Variants in USH1C observed in about 807,000 individuals in gnomAD.
USH1C encodes harmonin.
In USH1C, 90 loss-of-function variants were observed where a neutral mutation model predicts 119.3. The observed-to-expected ratio is 0.75, with a 90% CI of 0.64 to 0.90. USH1C has a LOEUF of 0.90. Ranked by LOEUF, USH1C falls within the 40% of genes least tolerant of loss-of-function variation. The probability of loss-of-function intolerance (pLI) is 0.00; values close to 1 mark genes in which losing one functional copy is unlikely to be tolerated. For synonymous variants in USH1C, 465 were observed against 443.3 expected (o/e 1.05, Z -0.62); for missense variants, 1,165 against 1,167.7 (o/e 1.00, Z 0.03).
intron 18 of USH1C, among the ~76,000 whole-genome samples, chr11:17,506,976 C>T (rs1418539717): frequency 6.6e-6 from 1 of 152,224 alleles, no homozygotes; most frequent in African/African-American, 2.4e-5. Context: ...AAATGAATGA[C>T]TAAATAGTAT....
intron 1 of USH1C, among the ~76,000 whole-genome samples, chr11:17,535,060 C>G (rs1851181092): frequency 6.6e-6 from 1 of 152,152 alleles, no homozygotes; most frequent in Non-Finnish European, 1.5e-5. Flanking sequence ...GGGTGCCTCC[C>G]TGAGACAGGC....
In USH1C at chr11:17,515,615, C is replaced by A. The variant is rs534384802; in HGVS notation, c.1260+626G>T. ...ATAGATATTAACAGCAATGTTTTCA[C>A]AATCAAATGTCAATGTGATTTAGAA... On this transcript the variant is annotated intron_variant, in intron 15 of 26. Coordinates refer to ENST00000005226, the MANE Select transcript of USH1C (RefSeq NM_153676.4). Among the ~76,000 whole-genome samples the A allele has an allele frequency of 6.6e-5, 10 of 152,266 alleles. No homozygotes were observed. In the East Asian group the frequency reaches 1.5e-3, roughly 23 times the overall value.
Position 17,531,981 on chromosome 11 carries a change from C to T in USH1C, c.105-439G>A, listed in dbSNP as rs2133922738. 6.6e-6 allele frequency among the ~76,000 whole-genome samples: 1 copy of T among 152,334 alleles called. No individual in the cohort carries two copies. The highest frequency in any genetic ancestry group is 6.5e-5 in the Admixed American group (1 of 15,304). ...CTGTTCAGACCTTCGACTGCAGCTG[C>T]CTGCCCATGTACTCACTGTCACGTC... On this transcript the variant is annotated intron_variant, in intron 2 of 26. Transcript: ENST00000005226. This position sits in a 1 kb window ranked among gnomAD's most constrained non-coding sequence, Gnocchi z 4.2.
intron 18 of USH1C, among the ~76,000 whole-genome samples, chr11:17,507,301 G>A (rs982747374): frequency 6.6e-6 from 1 of 152,186 alleles, no homozygotes; most frequent in Admixed American, 6.5e-5. Flanking sequence ...CTTTGATGTC[G>A]CTTGTGACAT....
chr11:17,523,785 A>G (rs1850534787), intron 9 of USH1C, among the ~76,000 whole-genome samples: 1 of 152,238 alleles, frequency 6.6e-6, no homozygotes, highest in African/African-American at 2.4e-5. Context: ...CAGATGCGGG[A>G]ACCTTTGAGC....
rs1463766097 is a variant in USH1C, at chr11:17,544,137, C to G, written c.36+135G>C. ...GATCCCTGCTGCCAGCCAGACGACC[C>G]TCGGGTGTCCCAGCCCAACCAGAGC... On this transcript the variant is annotated intron_variant, in intron 1 of 26. Transcript: ENST00000005226. 20 of 1,177,716 alleles carry G rather than the reference C, an allele frequency of 1.7e-5. No individual in the cohort carries two copies. The South Asian group carries it at 1.8e-4, about 11-fold the overall frequency. The allele number at this position is 1,177,716 out of a possible 1,614,324, so 73.0% of individuals were successfully genotyped here.
At chr11:17,521,133 G>C in intron 13 of USH1C, 139 bp from the exon 14 acceptor site, 1 of 1,276,318 alleles carries the variant, frequency 7.8e-7, no homozygotes, top group Non-Finnish European at 1.1e-6. Context: ...CCCCGAGCTT[G>C]TATTCTAAAT....
At position 17,494,150 on chromosome 11, in the gene USH1C, G is replaced by A. The variant is rs1264190239; in HGVS notation, c.*182C>T. On this transcript the variant is annotated 3_prime_UTR_variant, in exon 27 of 27. Transcript: ENST00000005226. Reference sequence around the variant, plus strand: ...TGGCTGCTCCCTTTCCTCCACGTTGGCCTTCAGAAGAGTGGCCCGAGCTGT... The same window carrying A: ...TGGCTGCTCCCTTTCCTCCACGTTGACCTTCAGAAGAGTGGCCCGAGCTGT... 4.3e-6 allele frequency: 3 copies of A among 702,312 alleles called. No individual in the cohort carries two copies. Among genetic ancestry groups the A allele is most frequent in the Non-Finnish European group, 7.5e-6 (3 of 402,280 alleles). The allele number at this position is 702,312 out of a possible 1,614,324, so 43.5% of individuals were successfully genotyped here.
chr11:17,537,413 C>G (rs1592036294), intron 1 of USH1C, among the ~76,000 whole-genome samples: 1 of 152,180 alleles, frequency 6.6e-6, no homozygotes, highest in African/African-American at 2.4e-5. Context: ...CCCTGTGGAA[C>G]CCAGAACCAT....
Position 17,509,480 on chromosome 11 carries a change from A to G in USH1C, c.1889T>C (p.Leu630Pro), listed in dbSNP as rs377002861. ...RPLPSALEEALSNHPFRTGDT... is the reference protein window; with the variant it reads ...RPLPSALEEAPSNHPFRTGDT... Reference sequence around the variant, plus strand: ...CCCAGTGCGGAAGGGATGGTTGCTCAGTGCTTCTTCCAGCGCCGAGGGCAG... The same window carrying G: ...CCCAGTGCGGAAGGGATGGTTGCTCGGTGCTTCTTCCAGCGCCGAGGGCAG... Residue 630 changes from leucine to proline, a missense_variant, in exon 18 of 27, where the codon CTG becomes CCG. By Grantham distance (98) the Leu-to-Pro change is moderately conservative. Coordinates refer to ENST00000005226, the MANE Select transcript of USH1C (RefSeq NM_153676.4). The G allele has an allele frequency of 3.0e-5, 44 of 1,466,810 alleles. No individual in the cohort carries two copies. The African/African-American group carries it at 6.0e-4, about 20-fold the overall frequency. 90.9% of individuals were successfully genotyped at this position (1,466,810 alleles called of 1,614,324 possible).
chr11:17,523,567 C>T, intron 9 of USH1C, 89 bp from the exon 10 acceptor site: 1 of 1,295,444 alleles, frequency 7.7e-7, no homozygotes, highest in Non-Finnish European at 1.1e-6. Flanking sequence ...GGCTCTGGGT[C>T]AGATGCTGGA....
chr11:17,532,043 C>G (rs941888578), intron 2 of USH1C, among the ~76,000 whole-genome samples: 3 of 152,222 alleles, frequency 2.0e-5, no homozygotes, highest in African/African-American at 7.2e-5. Flanking sequence ...TGGCTTAAAA[C>G]CCTTTGATGG....
At chr11:17,532,183 C>T (rs1283036554) in intron 2 of USH1C, among the ~76,000 whole-genome samples, 1 of 152,238 alleles carries the variant, frequency 6.6e-6, no homozygotes, top group African/African-American at 2.4e-5. Context: ...TCCTACTCCC[C>T]CAGATTACTT....
At chr11:17,525,443 C>T (rs1850625321) in intron 8 of USH1C, among the ~76,000 whole-genome samples, 1 of 152,226 alleles carries the variant, frequency 6.6e-6, no homozygotes, top group Non-Finnish European at 1.5e-5. Flanking sequence ...TATTTACCAA[C>T]TGCTTACTAT....
intron 18 of USH1C, among the ~76,000 whole-genome samples, chr11:17,506,840 T>C (rs1365436128): frequency 6.6e-6 from 1 of 152,198 alleles, no homozygotes; most frequent in Admixed American, 6.5e-5. Flanking sequence ...GTGCCTACTT[T>C]TCTTTGTTCC....
At chr11:17,508,229 T>A (rs1468478637) in intron 18 of USH1C, among the ~76,000 whole-genome samples, 1 of 152,160 alleles carries the variant, frequency 6.6e-6, no homozygotes, top group African/African-American at 2.4e-5. Context: ...ACAGGCAGAT[T>A]TCTTCCTGTC....
intron 4 of USH1C, among the ~76,000 whole-genome samples, chr11:17,527,789 C>G (rs1850776866): frequency 6.6e-6 from 1 of 152,230 alleles, no homozygotes; most frequent in Non-Finnish European, 1.5e-5. Flanking sequence ...TGCTACAACA[C>G]TGTAACTGAG....
Position 17,509,805 on chromosome 11 carries a change from C to G in USH1C, c.1564G>C (p.Val522Leu), listed in dbSNP as rs753261867. 2 of 1,588,136 alleles carry G rather than the reference C, an allele frequency of 1.3e-6. No homozygotes were observed. Among genetic ancestry groups the G allele is most frequent in the Non-Finnish European group, 1.7e-6 (2 of 1,172,236 alleles). ...CTCAAGGGTGGGGCCAGGGGAGACACAGAAGGCGGGGGAGGCGGGGGCCCT... is the reference window on the plus strand; with the variant it reads ...CTCAAGGGTGGGGCCAGGGGAGACAGAGAAGGCGGGGGAGGCGGGGGCCCT... ...TTGPPPPPPS[V>L]SPLAPPLRRF... Residue 522 changes from valine to leucine, a missense_variant, in exon 18 of 27, where the codon GTG becomes CTG. Transcript: ENST00000005226.
chr11:17,517,376 C>G, intron 14 of USH1C: 1 of 1,564,162 alleles, frequency 6.4e-7, no homozygotes, highest in South Asian at 1.2e-5. Flanking sequence ...GCAGCCAGGC[C>G]AGGGAGCAAA....
Sources: gnomAD v4.1 joint callset for allele counts (sites outside exome capture counted in the v4.1 genomes callset) on GRCh38, gnomAD v4.1.1 for gene constraint, Gnocchi (gnomAD v3.1) non-coding constraint, MANE v1.5 for transcripts, NCBI Gene and HGNC (gene_info 2026-07-23, HGNC 2026-07-21) for gene names.